The following CDH13 variants were observed in gnomAD, a reference collection of about 807,000 sequenced individuals.
CDH13 encodes the protein cadherin-13.
A neutral mutation model predicts 63.8 loss-of-function variants in CDH13; 24 were observed. That is an observed-to-expected ratio of 0.38 (90% CI 0.27 to 0.53). The LOEUF (loss-of-function observed/expected upper bound fraction) is 0.53. CDH13 is among the 20% of genes least tolerant of loss of function. The pLI is 0.85. For missense variants in CDH13, 1,049 were observed against 903.1 expected, an observed-to-expected ratio of 1.16 and a Z score of -2.07; for synonymous variants, 503 against 355.3, an observed-to-expected ratio of 1.42 and a Z score of -4.67.
chr16:83,377,884 G>T (rs530257493), intron 6 of CDH13, among the ~76,000 whole-genome samples: 1 of 152,154 alleles, frequency 6.6e-6, no homozygotes, highest in Admixed American at 6.5e-5. Context: ...TTAGAAAAAG[G>T]TGTCCCCTTC....
intron 6 of CDH13, among the ~76,000 whole-genome samples, chr16:83,414,380 T>A (rs1445990405): frequency 1.3e-5 from 2 of 152,200 alleles, no homozygotes; most frequent in Non-Finnish European, 2.9e-5. Context: ...GATTTTATAT[T>A]TTTAGAGGAA....
intron 1 of CDH13, among the ~76,000 whole-genome samples, chr16:82,729,856 CT>C (rs1399971188): frequency 6.6e-6 from 1 of 152,212 alleles, no homozygotes; most frequent in Middle Eastern, 3.2e-3. Flanking sequence ...GCTAGATCTT[CT>C]GGAAAACTTG....
intron 5 of CDH13, among the ~76,000 whole-genome samples, chr16:83,269,212 A>G (rs1011602686): frequency 6.6e-6 from 1 of 152,200 alleles, no homozygotes; most frequent in Non-Finnish European, 1.5e-5. Flanking sequence ...CATAGTTTGC[A>G]TAATTGCAGA....
At chr16:83,184,970 C>T (rs1171542008) in intron 4 of CDH13, among the ~76,000 whole-genome samples, 1 of 151,744 alleles carries the variant, frequency 6.6e-6, no homozygotes, top group Admixed American at 6.6e-5. Flanking sequence ...TAAATACACA[C>T]TTATAAGTGT....
At chr16:83,263,536 TCCCTAGCCACCGCCCAC>T (rs1471375106) in intron 5 of CDH13, among the ~76,000 whole-genome samples, 6 of 152,076 alleles carry the variant, frequency 3.9e-5, no homozygotes, top group African/African-American at 1.4e-4. Flanking sequence ...TCTTGACTCC[TCCCTAGCCACCGCCCAC>T]TGAATGGTTT....
chr16:82,734,288 C>T lies in CDH13; in HGVS notation c.45+107151C>T, dbSNP rs777852876. ...GTTAAGCAGTTGCAATCCTGTGGCC[C>T]AGAAAAACTTAAATGTTTACTATTT... On this transcript the variant is annotated intron_variant, in intron 1 of 13. Transcript: ENST00000567109. 2.1e-4 allele frequency among the ~76,000 whole-genome samples: 32 copies of T among 152,130 alleles called. No individual in the cohort carries two copies. The East Asian group carries it at 2.1e-3, about 10-fold the overall frequency.
chr16:83,426,953 C>T (rs1268847432), intron 6 of CDH13, among the ~76,000 whole-genome samples: 1 of 110,720 alleles, frequency 9.0e-6, no homozygotes, highest in African/African-American at 3.7e-5. Flanking sequence ...GACGGAGTCT[C>T]GCTTGCTCTG....
chr16:82,820,319 A>T (rs1567568359), intron 1 of CDH13, among the ~76,000 whole-genome samples: 1 of 152,206 alleles, frequency 6.6e-6, no homozygotes, highest in Non-Finnish European at 1.5e-5. Context: ...GACCAGGAAG[A>T]GCTTATATGT....
At chr16:83,113,246 T>C (rs1470877092) in intron 3 of CDH13, among the ~76,000 whole-genome samples, 1 of 152,188 alleles carries the variant, frequency 6.6e-6, no homozygotes, top group Non-Finnish European at 1.5e-5. Context: ...AGTGGCAGCT[T>C]TACTCTTATT....
chr16:83,530,960 G>A (rs547966043), intron 7 of CDH13, among the ~76,000 whole-genome samples: 1 of 152,254 alleles, frequency 6.6e-6, no homozygotes, highest in South Asian at 2.1e-4. Context: ...GACTTTCGCT[G>A]GGTCCTTTGA....
chr16:83,331,333 C>G (rs2090475926), intron 5 of CDH13, among the ~76,000 whole-genome samples: 1 of 152,154 alleles, frequency 6.6e-6, no homozygotes, highest in Non-Finnish European at 1.5e-5. Context: ...TTTATAATCC[C>G]AAAACTGTAG....
At chr16:83,084,724 A>C (rs1227330868) in intron 3 of CDH13, among the ~76,000 whole-genome samples, 1 of 152,156 alleles carries the variant, frequency 6.6e-6, no homozygotes, top group East Asian at 1.9e-4. Context: ...CCCCGCCTCT[A>C]CTAAAAATAT....
chr16:83,318,860 C>T (rs932665030), intron 5 of CDH13, among the ~76,000 whole-genome samples: 1 of 152,120 alleles, frequency 6.6e-6, no homozygotes, highest in African/African-American at 2.4e-5. Flanking sequence ...CATAGTTGAT[C>T]GAATCCTGTG....
At chr16:83,021,526 G>A (rs546176025) in intron 2 of CDH13, among the ~76,000 whole-genome samples, 10 of 152,316 alleles carry the variant, frequency 6.6e-5, no homozygotes, top group African/African-American at 2.2e-4. Context: ...AGCAGATGTG[G>A]CCTCTGTCTT....
chr16:83,746,826 G>C (rs767127422), intron 10 of CDH13, among the ~76,000 whole-genome samples: 1 of 152,170 alleles, frequency 6.6e-6, no homozygotes, highest in Non-Finnish European at 1.5e-5. Context: ...GCCCAGTTGA[G>C]TCTCCCTGAT....
At chr16:82,877,460 A>G (rs1324741672) in intron 2 of CDH13, among the ~76,000 whole-genome samples, 1 of 152,198 alleles carries the variant, frequency 6.6e-6, no homozygotes, top group African/African-American at 2.4e-5. Flanking sequence ...GCACTACGCC[A>G]TGTTGATTTA....
intron 2 of CDH13, among the ~76,000 whole-genome samples, chr16:82,955,378 T>C (rs1182668297): frequency 6.6e-6 from 1 of 152,210 alleles, no homozygotes. Flanking sequence ...TTGAGTAGGT[T>C]CTGGATTTTA....
intron 10 of CDH13, among the ~76,000 whole-genome samples, chr16:83,728,484 G>C (rs1005251484): frequency 6.6e-6 from 1 of 152,114 alleles, no homozygotes; most frequent in Non-Finnish European, 1.5e-5. Flanking sequence ...AATTAGGCTT[G>C]ATAAGAACTA....
At chr16:83,091,683 G>A (rs1321145992) in intron 3 of CDH13, among the ~76,000 whole-genome samples, 1 of 152,120 alleles carries the variant, frequency 6.6e-6, no homozygotes, top group Admixed American at 6.6e-5. Context: ...ATCAGATAAG[G>A]TTATAGTGAA....
Sources: gnomAD v4.1 joint callset for allele counts (sites outside exome capture counted in the v4.1 genomes callset) on GRCh38, gnomAD v4.1.1 for gene constraint, MANE v1.5 for transcripts, NCBI Gene and HGNC (gene_info 2026-07-23, HGNC 2026-07-21) for gene names.